Variants in PAM observed in about 807,000 individuals in gnomAD.
The protein encoded by PAM is peptidylglycine alpha-amidating monooxygenase.
Under a neutral mutation model 122.1 loss-of-function variants are expected in PAM, and 72 were observed. The observed-to-expected ratio is 0.59, with a 90% CI of 0.49 to 0.72. The LOEUF (loss-of-function observed/expected upper bound fraction) is 0.72. Among genes scored for constraint, PAM ranks in the 30% least tolerant of loss-of-function variants. PAM has a pLI of 0.00. For missense variants in PAM, 1,106 were observed against 1,183.7 expected (o/e 0.93, Z 0.96); for synonymous variants, 389 against 404.4 (o/e 0.96, Z 0.46).
At chr5:102,808,205 G>A (rs748469807) in intron 1 of PAM, 1 of 152,192 alleles carries the variant, frequency 6.6e-6, no homozygotes, top group Non-Finnish European at 1.5e-5. Context: ...TTTCCAGTGT[G>A]ATTTCAGACA....
chr5:102,993,112 G>A (rs1269868586), intron 16 of PAM, among the ~76,000 whole-genome samples: 2 of 152,054 alleles, frequency 1.3e-5, no homozygotes, highest in Non-Finnish European at 2.9e-5. Flanking sequence ...CCTCTGACCT[G>A]AAAGATGATA....
chr5:102,868,721 T>A (rs1786390190), intron 3 of PAM, among the ~76,000 whole-genome samples: 1 of 152,330 alleles, frequency 6.6e-6, no homozygotes, highest in African/African-American at 2.4e-5. Context: ...TCAAGCACTC[T>A]TTCCCCACAA....
intron 1 of PAM, among the ~76,000 whole-genome samples, chr5:102,819,557 T>C (rs929949514): frequency 1.3e-5 from 2 of 152,160 alleles, no homozygotes; most frequent in Non-Finnish European, 2.9e-5. Flanking sequence ...CTCTTCACTT[T>C]AATTCTTTCA....
At position 103,006,813 on chromosome 5, in the gene PAM, G is replaced by T. The variant is rs1260216447; in HGVS notation, c.1816G>T (p.Asp606Tyr). The T allele has an allele frequency of 6.2e-7, 1 of 1,612,442 alleles. No individual in the cohort carries two copies. ...DVALHQVFKLDPNNKEGPVLI... is the reference protein window; with the variant it reads ...DVALHQVFKLYPNNKEGPVLI... ...CCTTTTTAAAAAGGTGTTCAAACTG[G>T]ATCCAAACAATAAAGAAGGCCCTGT... The change falls in exon 19 of 26, where the codon GAT (aspartate) becomes TAT (tyrosine). Residue 606 changes from aspartate (D) to tyrosine (Y), a missense_variant. Physicochemically the swap from Asp to Tyr is radical, Grantham distance 160. Coordinates refer to ENST00000438793, the MANE Select transcript of PAM (RefSeq NM_001177306.2).
intron 1 of PAM, among the ~76,000 whole-genome samples, chr5:102,858,411 C>T (rs1783197120): frequency 6.6e-6 from 1 of 152,086 alleles, no homozygotes. Flanking sequence ...GGGTGGAGGC[C>T]AAGGGTGCCG....
chr5:102,863,609 G>T (rs1581081768), intron 1 of PAM, among the ~76,000 whole-genome samples: 1 of 146,592 alleles, frequency 6.8e-6, no homozygotes. Flanking sequence ...ATAATCTTTT[G>T]TATAAAGTAT....
chr5:102,903,801 A>G (rs975180381), intron 4 of PAM, among the ~76,000 whole-genome samples: 1 of 151,586 alleles, frequency 6.6e-6, no homozygotes, highest in African/African-American at 2.4e-5. Context: ...AGAAATGAGC[A>G]AAGTTATCAA....
intron 16 of PAM, among the ~76,000 whole-genome samples, chr5:102,999,522 G>A (rs372418859): frequency 7.9e-5 from 12 of 152,222 alleles, no homozygotes; most frequent in Admixed American, 3.3e-4. Flanking sequence ...GAGACTCTTC[G>A]TGGGGGCTCT....
intron 1 of PAM, among the ~76,000 whole-genome samples, chr5:102,835,437 A>G (rs1157511661): frequency 6.6e-6 from 1 of 152,120 alleles, no homozygotes; most frequent in Non-Finnish European, 1.5e-5. Flanking sequence ...TTTAATTGTT[A>G]TTGATTCTTT....
At chr5:103,005,129 T>C (rs750585959) in intron 17 of PAM, 25 bp from the exon 18 acceptor site, 1 of 1,426,890 alleles carries the variant, frequency 7.0e-7, no homozygotes, top group Admixed American at 1.7e-5. Flanking sequence ...AATGTGTAAT[T>C]AACACAAATA....
intron 3 of PAM, 59 bp downstream of exon 3, chr5:102,867,452 T>A: frequency 7.6e-7 from 1 of 1,317,520 alleles, no homozygotes; most frequent in South Asian, 1.3e-5. Context: ...ATAATTAAAG[T>A]AAGGAAACTG....
At chr5:102,863,312 G>T (rs1784661879) in intron 1 of PAM, among the ~76,000 whole-genome samples, 1 of 152,122 alleles carries the variant, frequency 6.6e-6, no homozygotes, top group Non-Finnish European at 1.5e-5. Flanking sequence ...CCATTTCCCT[G>T]TACCTGTAAT....
intron 3 of PAM, among the ~76,000 whole-genome samples, chr5:102,887,828 C>T (rs952311389): frequency 6.6e-6 from 1 of 151,792 alleles, no homozygotes; most frequent in African/African-American, 2.4e-5. Flanking sequence ...TTTACTCTTC[C>T]CTCCCTGTTT....
chr5:102,927,736 A>G (rs1303191851), intron 7 of PAM, among the ~76,000 whole-genome samples: 1 of 149,988 alleles, frequency 6.7e-6, no homozygotes, highest in African/African-American at 2.4e-5. Context: ...CAAATATATT[A>G]TCAATTAATA....
At chr5:102,933,411 T>C (rs1022991199) in intron 7 of PAM, among the ~76,000 whole-genome samples, 1 of 152,278 alleles carries the variant, frequency 6.6e-6, no homozygotes, top group Non-Finnish European at 1.5e-5. Flanking sequence ...GCCTGGACTT[T>C]GTGACCATCA....
intron 3 of PAM, among the ~76,000 whole-genome samples, chr5:102,880,774 A>T (rs900572709): frequency 3.9e-5 from 6 of 152,108 alleles, no homozygotes; most frequent in Non-Finnish European, 7.4e-5. Context: ...AATGAAGATA[A>T]ATATTAAAAT....
At chr5:102,755,544 G>C (rs1221980593) in intron 1 of PAM, 196 bp downstream of exon 1, 1 of 152,430 alleles carries the variant, frequency 6.6e-6, no homozygotes, top group Non-Finnish European at 1.5e-5. Context: ...TGCGGCCAGG[G>C]AGGATTTTGG....
intron 1 of PAM, among the ~76,000 whole-genome samples, chr5:102,798,167 A>G (rs541828592): frequency 2.0e-4 from 31 of 152,280 alleles, no homozygotes; most frequent in African/African-American, 5.8e-4. Flanking sequence ...ATAACACTCA[A>G]ATTTGAACTC....
intron 3 of PAM, among the ~76,000 whole-genome samples, chr5:102,893,970 C>G (rs1403124907): frequency 6.6e-6 from 1 of 151,336 alleles, no homozygotes; most frequent in African/African-American, 2.4e-5. Flanking sequence ...TTGTTTTTCC[C>G]TTGATGTTTT....
Sources: gnomAD v4.1 joint callset for allele counts (sites outside exome capture counted in the v4.1 genomes callset) on GRCh38, gnomAD v4.1.1 for gene constraint, MANE v1.5 for transcripts, NCBI Gene and HGNC (gene_info 2026-07-23, HGNC 2026-07-21) for gene names.